DHRS2: variants seen among roughly 807,000 people sequenced by gnomAD.
DHRS2 encodes dehydrogenase/reductase SDR family member 2, mitochondrial.
Under a neutral mutation model 26.3 loss-of-function variants are expected in DHRS2, and 29 were observed. The observed-to-expected ratio is 1.10, with a 90% CI of 0.82 to 1.50. DHRS2 has a LOEUF of 1.50. Among genes scored for constraint, DHRS2 ranks in the 40% most tolerant of loss-of-function variants. The pLI, the probability that DHRS2 is intolerant of heterozygous loss-of-function variation, is 0.00. For synonymous variants in DHRS2, 164 were observed against 151.3 expected (o/e 1.08, Z -0.62); for missense variants, 439 against 367.1 (o/e 1.20, Z -1.60).
In DHRS2 at chr14:23,645,521, G is replaced by C; in HGVS notation, c.*268G>C. ...AAGGATTTTATGGAGCTGGTGCTTTGGAGGAATCTTAAGGGAAAGGAGTAG... is the reference window on the plus strand; with the variant it reads ...AAGGATTTTATGGAGCTGGTGCTTTCGAGGAATCTTAAGGGAAAGGAGTAG... On this transcript the variant is annotated 3_prime_UTR_variant, in exon 9 of 9. Transcript: ENST00000250383. 1.8e-6 allele frequency: 1 copy of C among 570,254 alleles called. No individual in the cohort carries two copies. Among genetic ancestry groups the C allele is most frequent in the Non-Finnish European group, 3.0e-6 (1 of 335,622 alleles). 35.3% of individuals were successfully genotyped at this position (570,254 alleles called of 1,614,324 possible). A position where few individuals can be genotyped will look rare whatever the true frequency, so the allele number is the denominator to read the frequency against.
In DHRS2 at chr14:23,644,491, T is replaced by G; in HGVS notation, c.623T>G (p.Ile208Ser). 6.2e-7 allele frequency: 1 copy of G among 1,614,228 alleles called. No individual in the cohort carries two copies. Among genetic ancestry groups the G allele is most frequent in the Non-Finnish European group, 8.5e-7 (1 of 1,180,038 alleles). The change falls in exon 7 of 9, where the codon ATC becomes AGC. Residue 208 changes from isoleucine to serine, a missense_variant. Transcript: ENST00000250383. The part of the protein sequence containing the change: ...TLALELAPKD[I>S]RVNCVVPGII... The stretch of plus-strand genomic sequence containing the variant: ...GCATTGGAGCTGGCCCCCAAGGACA[T>G]CCGGGTAAACTGCGTGGTTCCAGGA...
At chr14:23,635,459 T>G (rs1268261963), upstream of DHRS2, among the ~76,000 whole-genome samples, 1 of 152,216 alleles carries the variant, frequency 6.6e-6, no homozygotes, top group Non-Finnish European at 1.5e-5. Flanking sequence ...AGTCTCTTGG[T>G]GCACACATGA....
chr14:23,639,859 G>C lies in DHRS2; in HGVS notation c.384G>C (p.Gly128=). The C allele has an allele frequency of 6.2e-7, 1 of 1,609,554 alleles. No individual in the cohort carries two copies. Among genetic ancestry groups the C allele is most frequent in the South Asian group, 1.1e-5 (1 of 90,430 alleles). Residue 128 remains glycine (G), a synonymous_variant, in exon 4 of 9, where the codon GGG becomes GGC. Transcript: ENST00000250383. ...GCGCAGGGGTCAACCCTCTGGTAGGGAGCACTCTGGGGACCAGTGAGCAGA... is the reference window on the plus strand; with the variant it reads ...GCGCAGGGGTCAACCCTCTGGTAGGCAGCACTCTGGGGACCAGTGAGCAGA... ...VCSAGVNPLV[G]STLGTSEQIW...
intron 3 of DHRS2, 141 bp downstream of exon 3, chr14:23,639,497 C>T: frequency 7.9e-7 from 1 of 1,263,054 alleles, no homozygotes; most frequent in Non-Finnish European, 1.1e-6. Flanking sequence ...CCTCGCTACC[C>T]AGAAGGTCCC....
rs201882888 is a variant in DHRS2, at chr14:23,639,272, C to T, written c.234C>T (p.Ala78=). The change falls in exon 3 of 9, where the codon GCC becomes GCT. Residue 78 remains alanine (A), a synonymous_variant. Transcript: ENST00000250383. ...AGCAGAACGTGGACCGGGCCATGGC[C>T]AAGCTGCAGGGGGAGGGGCTGAGTG... ...RKQQNVDRAM[A]KLQGEGLSVA... The T allele has an allele frequency of 1.8e-5, 29 of 1,611,420 alleles. No homozygotes were observed. Among genetic ancestry groups the T allele is most frequent in the Non-Finnish European group, 2.5e-5 (29 of 1,178,716 alleles).
rs569813585 is a variant in DHRS2, at chr14:23,637,075, G to A, written c.-39+303G>A. Among the ~76,000 whole-genome samples, 430 of 152,244 alleles carry A rather than the reference G, an allele frequency of 2.8e-3. 3 individuals are homozygous for A. The highest frequency in any genetic ancestry group is 9.4e-3 in the African/African-American group (391 of 41,532). On this transcript the variant is annotated intron_variant, in intron 1 of 8. Transcript: ENST00000250383. The stretch of plus-strand genomic sequence containing the variant: ...CCCACAACAAGTTGGTTGACCCTGC[G>A]GCCATGAGCGGAACTCTCAAAGGCA...
At chr14:23,637,214 A>C (rs756412802) in intron 1 of DHRS2, among the ~76,000 whole-genome samples, 26 of 152,110 alleles carry the variant, frequency 1.7e-4, no homozygotes, top group African/African-American at 2.4e-4. Context: ...GGCTAGTCCC[A>C]CTTCTAAAAA....
chr14:23,632,166 C>T (rs1449738621), upstream of DHRS2, among the ~76,000 whole-genome samples: 1 of 152,184 alleles, frequency 6.6e-6, no homozygotes, highest in Non-Finnish European at 1.5e-5. Flanking sequence ...CTTTTTCCTG[C>T]TGTCCTCCCA....
At chr14:23,638,794 T>C in intron 1 of DHRS2, 33 bp from the exon 2 acceptor site, 1 of 1,565,662 alleles carries the variant, frequency 6.4e-7, no homozygotes. Context: ...CACTGAGGCA[T>C]CAGTGATAAG....
chr14:23,638,848 C>T lies in DHRS2; in HGVS notation c.-17C>T, dbSNP rs932901464. 6.2e-7 allele frequency: 1 copy of T among 1,611,028 alleles called. No individual in the cohort carries two copies. The highest frequency in any genetic ancestry group is 8.5e-7 in the Non-Finnish European group (1 of 1,178,178). On this transcript the variant is annotated 5_prime_UTR_variant, in exon 2 of 9. Transcript: ENST00000250383. ...CCAGGCCTGATTCAGCAGGAAGCATCTCAGACACCAACCACTATGCTGTCA... is the reference window on the plus strand; with the variant it reads ...CCAGGCCTGATTCAGCAGGAAGCATTTCAGACACCAACCACTATGCTGTCA...
upstream of DHRS2, among the ~76,000 whole-genome samples, chr14:23,635,812 G>C (rs576373618): frequency 1.3e-5 from 2 of 152,188 alleles, no homozygotes; most frequent in Non-Finnish European, 2.9e-5. Flanking sequence ...GAGAGGCGCC[G>C]GCAGGAGCCC....
At position 23,645,345 on chromosome 14, in the gene DHRS2, C is replaced by T; in HGVS notation, c.*92C>T. On this transcript the variant is annotated 3_prime_UTR_variant, in exon 9 of 9. Transcript: ENST00000250383. ...CATTTGGATCTGGAGGCAGAGTCTGCCATTCTGCCAGACTAGCAATTTGGG... is the reference window on the plus strand; with the variant it reads ...CATTTGGATCTGGAGGCAGAGTCTGTCATTCTGCCAGACTAGCAATTTGGG... The T allele has an allele frequency of 6.3e-7, 1 of 1,599,622 alleles. No homozygotes were observed. Among genetic ancestry groups the T allele is most frequent in the Non-Finnish European group, 8.5e-7 (1 of 1,175,186 alleles).
upstream of DHRS2, among the ~76,000 whole-genome samples, chr14:23,632,855 C>T (rs1354099294): frequency 6.6e-6 from 1 of 152,212 alleles, no homozygotes; most frequent in Non-Finnish European, 1.5e-5. Context: ...CCAGAGCCTG[C>T]CTCTCTTCAC....
upstream of DHRS2, among the ~76,000 whole-genome samples, chr14:23,631,787 G>A (rs145534550): frequency 6.6e-6 from 1 of 152,300 alleles, no homozygotes; most frequent in African/African-American, 2.4e-5. Context: ...CGAGCTGACT[G>A]TTTTGGGGAA....
chr14:23,637,008 G>A (rs955989236), intron 1 of DHRS2, among the ~76,000 whole-genome samples: 1 of 152,156 alleles, frequency 6.6e-6, no homozygotes, highest in African/African-American at 2.4e-5. Context: ...TCTGGGCTGA[G>A]CTGAGGGTCA....
chr14:23,631,469 T>C (rs1261724916), upstream of DHRS2, among the ~76,000 whole-genome samples: 1 of 152,180 alleles, frequency 6.6e-6, no homozygotes. Flanking sequence ...GTTTACATTA[T>C]TCTCTTTTCT....
chr14:23,641,815 G>A, intron 4 of DHRS2: 1 of 1,273,990 alleles, frequency 7.8e-7, no homozygotes, highest in South Asian at 1.3e-5. Context: ...GATTGAGTGG[G>A]AGTGAGATTG....
At position 23,645,193 on chromosome 14, in the gene DHRS2, A is replaced by G. The variant is rs1488640713; in HGVS notation, c.783A>G (p.Pro261=). The stretch of plus-strand genomic sequence containing the variant: ...GAATCGTGTCCTTCCTGTGCTCTCC[A>G]GATGCCAGCTACGTCAACGGGGAGA... ...CAGIVSFLCS[P]DASYVNGENI... The change falls in exon 9 of 9, where the codon CCA becomes CCG. Residue 261 remains proline, a synonymous_variant. Coordinates refer to ENST00000250383, the MANE Select transcript of DHRS2 (RefSeq NM_005794.4). 6.2e-7 allele frequency: 1 copy of G among 1,614,162 alleles called. No individual in the cohort carries two copies. Among genetic ancestry groups the G allele is most frequent in the African/African-American group, 1.3e-5 (1 of 75,042 alleles).
At position 23,645,570 on chromosome 14, in the gene DHRS2, C is replaced by T. The variant is rs891138332; in HGVS notation, c.*317C>T. ...AGAAGCTCAGGCCTTTGAAGGATTT[C>T]AGCTCCTCCTCTCTGTAATTTGTGC... On this transcript the variant is annotated 3_prime_UTR_variant, in exon 9 of 9. Transcript: ENST00000250383. 4.7e-6 allele frequency: 2 copies of T among 426,612 alleles called. No individual in the cohort carries two copies. Among genetic ancestry groups the T allele is most frequent in the Non-Finnish European group, 8.3e-6 (2 of 239,632 alleles). The allele number at this position is 426,612 out of a possible 1,614,324, so 26.4% of individuals were successfully genotyped here.
Sources: allele counts gnomAD v4.1 joint callset (sites outside exome capture counted in the v4.1 genomes callset), GRCh38; gene constraint gnomAD v4.1.1; transcripts MANE v1.5; gene names NCBI Gene and HGNC (gene_info 2026-07-23, HGNC 2026-07-21).